Variants in OTULIN observed in about 807,000 individuals in gnomAD.
The protein encoded by OTULIN is OTU deubiquitinase with linear linkage specificity.
A neutral mutation model predicts 39.6 loss-of-function variants in OTULIN; 15 were observed. The observed-to-expected ratio is 0.38, with a 90% CI of 0.25 to 0.58. The LOEUF is 0.58. Among genes scored for constraint, OTULIN ranks in the 20% least tolerant of loss-of-function variants. The pLI is 0.66. For synonymous variants in OTULIN, 156 were observed against 170.3 expected, an observed-to-expected ratio of 0.92 and a Z score of 0.65; for missense variants, 319 against 445.9, an observed-to-expected ratio of 0.72 and a Z score of 2.56.
chr5:14,715,305 G>A, the OTULIN span, among the ~76,000 whole-genome samples: 11 of 152,122 alleles, frequency 7.2e-5, no homozygotes, highest in African/African-American at 2.7e-4. Context: ...CTAATTTTTT[G>A]TATTTAGTAG....
At chr5:14,710,927 G>A in the OTULIN span, 1 of 442,474 alleles carries the variant, frequency 2.3e-6, no homozygotes, top group East Asian at 5.0e-5. Context: ...AGGCAGCTGT[G>A]TCTTTTGGGT....
At position 14,695,019 on chromosome 5, in the gene OTULIN, A is replaced by T. The variant is rs1736630062; in HGVS notation, c.*1971A>T. The T allele has an allele frequency of 1.3e-5, 2 of 152,218 alleles. No homozygotes were observed. The highest frequency in any genetic ancestry group is 6.5e-5 in the Admixed American group (1 of 15,284). The allele number at this position is 152,218 out of a possible 1,614,324, so 9.4% of individuals were successfully genotyped here. The stretch of plus-strand genomic sequence containing the variant: ...GACCATCAGTTTATATATGTCATTG[A>T]ATTTTAAGAATACTCATGTTAATAA... On this transcript the variant is annotated 3_prime_UTR_variant, in exon 7 of 7. Transcript: ENST00000284274.
chr5:14,702,603 A>G (rs941447159), downstream of OTULIN, among the ~76,000 whole-genome samples: 2 of 152,178 alleles, frequency 1.3e-5, no homozygotes, highest in African/African-American at 4.8e-5. Context: ...GATAAAAAGC[A>G]TGAGGAAACG....
chr5:14,712,991 A>G, the OTULIN span: 1 of 1,607,620 alleles, frequency 6.2e-7, no homozygotes, highest in Non-Finnish European at 8.5e-7. Context: ...TGAGAACACA[A>G]AGGCAATTTG....
downstream of OTULIN, chr5:14,704,680 C>A (rs1191939088): frequency 1.3e-5 from 2 of 152,060 alleles, no homozygotes; most frequent in Non-Finnish European, 2.9e-5. Flanking sequence ...AAATGTTAAT[C>A]TCTCAGGTAA....
At chr5:14,709,459 C>G in the OTULIN span, 1 of 152,230 alleles carries the variant, frequency 6.6e-6, no homozygotes, top group Non-Finnish European at 1.5e-5. Context: ...CACACCCCAT[C>G]AGCACTGGGT....
At chr5:14,711,182 A>C in the OTULIN span, 1 of 1,601,432 alleles carries the variant, frequency 6.2e-7, no homozygotes, top group Non-Finnish European at 8.6e-7. Flanking sequence ...TGCAGTGCCC[A>C]TGGCGTCCCG....
intron 5 of OTULIN, chr5:14,687,871 A>C (rs528707646): frequency 5.9e-6 from 2 of 340,856 alleles, no homozygotes; most frequent in Admixed American, 9.5e-5. Context: ...CTAGGGTATC[A>C]AATAATGAAG....
the OTULIN span, among the ~76,000 whole-genome samples, chr5:14,715,127 CCTTT>C: frequency 1.5e-3 from 232 of 152,320 alleles, no homozygotes; most frequent in Middle Eastern, 6.8e-3. Flanking sequence ...CTCCATGGCT[CCTTT>C]CTTTTTCTTT....
At chr5:14,687,708 A>ATTCT in intron 5 of OTULIN, 62 bp downstream of exon 5, 1 of 1,508,670 alleles carries the variant, frequency 6.6e-7, no homozygotes, top group East Asian at 2.4e-5. Flanking sequence ...TTGCCCCAGA[A>ATTCT]GACCAGTTTT....
intron 5 of OTULIN, 84 bp downstream of exon 5, chr5:14,687,730 C>A: frequency 6.8e-7 from 1 of 1,464,654 alleles, no homozygotes; most frequent in Non-Finnish European, 9.1e-7. Flanking sequence ...AGTCTTCACT[C>A]AGTGGATTTT....
intron 1 of OTULIN, among the ~76,000 whole-genome samples, chr5:14,665,848 T>C (rs1200332749): frequency 6.6e-6 from 1 of 152,234 alleles, no homozygotes; most frequent in East Asian, 1.9e-4. Flanking sequence ...TAATAACATA[T>C]TTGCATAGTA....
chr5:14,678,097 A>G (rs992842689), intron 2 of OTULIN, among the ~76,000 whole-genome samples: 34 of 152,138 alleles, frequency 2.2e-4, no homozygotes, highest in African/African-American at 6.5e-4. Flanking sequence ...GGTGTTGATG[A>G]GTGCTAAGAA....
intron 1 of OTULIN, among the ~76,000 whole-genome samples, chr5:14,668,595 G>T (rs1735907631): frequency 6.6e-6 from 1 of 152,168 alleles, no homozygotes; most frequent in African/African-American, 2.4e-5. Context: ...GTTGACATTA[G>T]TCTCATAGGA....
Position 14,678,795 on chromosome 5 carries a change from A to G in OTULIN, c.324+20A>G, listed in dbSNP as rs200078279. 4.0e-5 allele frequency: 60 copies of G among 1,501,326 alleles called. No individual in the cohort carries two copies. In the African/African-American group the frequency reaches 6.8e-4, roughly 17 times the overall value. 93.0% of individuals were successfully genotyped at this position (1,501,326 alleles called of 1,614,324 possible). A position where few individuals can be genotyped will look rare whatever the true frequency, so the allele number is the denominator to read the frequency against. On this transcript the variant is annotated intron_variant, in intron 3 of 6. Coordinates refer to ENST00000284274, the MANE Select transcript of OTULIN (RefSeq NM_138348.6). Reference sequence around the variant, plus strand: ...AAAATGGTATGACACAGAGGTGCACATATTTCAGGTCTTTCAAATAGTCTA... The same window carrying G: ...AAAATGGTATGACACAGAGGTGCACGTATTTCAGGTCTTTCAAATAGTCTA...
chr5:14,677,184 G>C (rs531897082), intron 2 of OTULIN, among the ~76,000 whole-genome samples: 1 of 151,922 alleles, frequency 6.6e-6, no homozygotes, highest in Non-Finnish European at 1.5e-5. Context: ...GGCCTCTTTT[G>C]TGCTCCTAAT....
chr5:14,664,915 GGACGGCGGGAA>G lies in OTULIN; in HGVS notation c.92_102del (p.Asp31GlyfsTer18), dbSNP rs1735790843. On this transcript the variant is annotated frameshift_variant, in exon 1 of 7. Coordinates refer to ENST00000284274, the MANE Select transcript of OTULIN (RefSeq NM_138348.6). LOFTEE classifies it high-confidence loss of function. ...CGCGGGAGGCGGCGGCCACGGCGCGGGACGGCGGGAAGGCGGCGGCCAGCGGGCAGCCGCGG... is the reference window on the plus strand; with the variant it reads ...CGCGGGAGGCGGCGGCCACGGCGCGGGGCGGCGGCCAGCGGGCAGCCGCGG... The G allele has an allele frequency of 8.5e-7, 1 of 1,178,664 alleles. No homozygotes were observed. Among genetic ancestry groups the G allele is most frequent in the African/African-American group, 1.6e-5 (1 of 61,924 alleles). The allele number at this position is 1,178,664 out of a possible 1,614,324, so 73.0% of individuals were successfully genotyped here. A position where few individuals can be genotyped will look rare whatever the true frequency, so the allele number is the denominator to read the frequency against.
intron 4 of OTULIN, 62 bp from the exon 5 acceptor site, chr5:14,687,459 T>G: frequency 6.4e-7 from 1 of 1,562,046 alleles, no homozygotes; most frequent in East Asian, 2.3e-5. Flanking sequence ...ACAGCTTGGA[T>G]TGTGTGGTGG....
chr5:14,704,645 GT>G, downstream of OTULIN, among the ~76,000 whole-genome samples: 1 of 152,166 alleles, frequency 6.6e-6, no homozygotes, highest in East Asian at 1.9e-4. Flanking sequence ...GTGGTTAGAA[GT>G]TTTAGCAACC....
Sources: gnomAD v4.1 joint callset for allele counts (sites outside exome capture counted in the v4.1 genomes callset) on GRCh38, gnomAD v4.1.1 for gene constraint, MANE v1.5 for transcripts, NCBI Gene and HGNC (gene_info 2026-07-23, HGNC 2026-07-21) for gene names.